Variants in TEX26 observed in about 807,000 individuals in gnomAD.
TEX26 encodes testis expressed 26, also known as testis-expressed protein 26.
A neutral mutation model predicts 35.3 loss-of-function variants in TEX26; 34 were observed. That is an observed-to-expected ratio of 0.96 (90% CI 0.73 to 1.28). TEX26 has a LOEUF of 1.28. Among genes scored for constraint, TEX26 ranks in the 50% most tolerant of loss-of-function variants. The pLI is 0.00. For synonymous variants in TEX26, 136 were observed against 111.8 expected (o/e 1.22, Z -1.36); for missense variants, 371 against 330.1 (o/e 1.12, Z -0.96).
At chr13:30,959,970 G>T (rs1954275308) in intron 4 of TEX26, among the ~76,000 whole-genome samples, 1 of 152,148 alleles carries the variant, frequency 6.6e-6, no homozygotes, top group African/African-American at 2.4e-5. Flanking sequence ...AGAAATCCTG[G>T]ATGCTAGAAG....
intron 5 of TEX26, 35 bp from the exon 6 acceptor site, chr13:30,968,850 C>G (rs763072299): frequency 2.5e-6 from 4 of 1,595,572 alleles, no homozygotes; most frequent in African/African-American, 2.7e-5. Context: ...TGGGTGCCAG[C>G]CTTCCGACCT....
At chr13:30,956,777 G>T in intron 3 of TEX26, 96 bp from the exon 4 acceptor site, 1 of 1,164,820 alleles carries the variant, frequency 8.6e-7, no homozygotes, top group Non-Finnish European at 1.2e-6. Flanking sequence ...TGGTTGTAAA[G>T]GATTCTGAAG....
chr13:30,954,858 A>G (rs1954067791), intron 3 of TEX26, among the ~76,000 whole-genome samples: 2 of 152,238 alleles, frequency 1.3e-5, no homozygotes, highest in Non-Finnish European at 2.9e-5. Context: ...ACACACGACC[A>G]TATAATTTTC....
At chr13:30,966,432 CT>C (rs10523710) in intron 5 of TEX26, 34 bp downstream of exon 5, 27,583 of 984,878 alleles carry the variant, frequency 0.028, 54 homozygotes, top group African/African-American at 0.1. Context: ...TTCTTTTTCT[CT>C]TTTTTTTTTT....
intron 3 of TEX26, 53 bp from the exon 4 acceptor site, chr13:30,956,820 C>G: frequency 6.7e-7 from 1 of 1,493,472 alleles, no homozygotes; most frequent in East Asian, 2.3e-5. Flanking sequence ...GATTATTGAT[C>G]CTATTGGGTG....
At chr13:30,954,035 G>A (rs1311156249) in intron 3 of TEX26, among the ~76,000 whole-genome samples, 2 of 152,180 alleles carry the variant, frequency 1.3e-5, no homozygotes, top group East Asian at 3.9e-4. Context: ...GGAGGACCAG[G>A]TTGGGTGGAG....
chr13:30,974,845 G>C lies in TEX26; in HGVS notation c.809-1G>C. The C allele has an allele frequency of 6.4e-7, 1 of 1,553,094 alleles. No homozygotes were observed. Among genetic ancestry groups the C allele is most frequent in the South Asian group, 1.3e-5 (1 of 79,628 alleles). Reference sequence around the variant, plus strand: ...ATCCTGTTTTTCTTCATACTTTTCAGATAGACAAATTATTGATCGCTTTAT... The same window carrying C: ...ATCCTGTTTTTCTTCATACTTTTCACATAGACAAATTATTGATCGCTTTAT... On this transcript the variant is annotated splice_acceptor_variant, in intron 6 of 6. Transcript: ENST00000380473. LOFTEE classifies it high-confidence loss of function.
chr13:30,938,268 G>T (rs1368922808), intron 1 of TEX26, among the ~76,000 whole-genome samples: 1 of 152,180 alleles, frequency 6.6e-6, no homozygotes, highest in Non-Finnish European at 1.5e-5. Context: ...ACAATGGGAA[G>T]TTGGGGCAAA....
chr13:30,972,717 G>A (rs368125281), intron 6 of TEX26, among the ~76,000 whole-genome samples: 4 of 152,192 alleles, frequency 2.6e-5, no homozygotes, highest in South Asian at 2.1e-4. Context: ...TCACTGCAAC[G>A]TCTGCCTTGA....
chr13:30,951,958 T>TC (rs1555268774), intron 2 of TEX26, among the ~76,000 whole-genome samples: 3 of 147,882 alleles, frequency 2.0e-5, no homozygotes, highest in African/African-American at 2.5e-5. Context: ...TTTTTTTTTT[T>TC]CTGACAAATT....
intron 5 of TEX26, among the ~76,000 whole-genome samples, chr13:30,967,591 C>T (rs1345167793): frequency 2.0e-5 from 3 of 152,190 alleles, no homozygotes; most frequent in Non-Finnish European, 4.4e-5. Flanking sequence ...GCCCTACAAA[C>T]ACTCTTCTCA....
intron 2 of TEX26, among the ~76,000 whole-genome samples, chr13:30,951,258 A>C (rs1953909861): frequency 6.6e-6 from 1 of 151,550 alleles, no homozygotes; most frequent in African/African-American, 2.4e-5. Context: ...TGGGAGGCTG[A>C]GGTGGGAGGA....
chr13:30,947,786 T>A (rs1566147546), intron 2 of TEX26, among the ~76,000 whole-genome samples: 2 of 152,166 alleles, frequency 1.3e-5, no homozygotes, highest in Non-Finnish European at 2.9e-5. Context: ...ATGTGCACAA[T>A]GTACAGGTTT....
At chr13:30,955,407 C>A (rs969099608) in intron 3 of TEX26, among the ~76,000 whole-genome samples, 1 of 152,188 alleles carries the variant, frequency 6.6e-6, no homozygotes, top group Admixed American at 6.5e-5. Flanking sequence ...ACTTTGGGAC[C>A]TCTGCACAGC....
chr13:30,955,872 G>A (rs1954109011), intron 3 of TEX26, among the ~76,000 whole-genome samples: 1 of 152,132 alleles, frequency 6.6e-6, no homozygotes, highest in Admixed American at 6.5e-5. Context: ...GCGGTGGCTG[G>A]GACACGGTTG....
chr13:30,935,700 G>A (rs1378905954), intron 1 of TEX26, among the ~76,000 whole-genome samples: 1 of 152,192 alleles, frequency 6.6e-6, no homozygotes, highest in Non-Finnish European at 1.5e-5. Flanking sequence ...GCTGCCTAGG[G>A]CCTCCTCTCT....
chr13:30,949,974 A>G (rs1002627229), intron 2 of TEX26, among the ~76,000 whole-genome samples: 1 of 152,230 alleles, frequency 6.6e-6, no homozygotes, highest in Admixed American at 6.5e-5. Flanking sequence ...AATTGGCTGC[A>G]TTGGAGTAAA....
intron 4 of TEX26, among the ~76,000 whole-genome samples, chr13:30,961,316 C>T (rs752432962): frequency 2.6e-4 from 40 of 152,146 alleles, no homozygotes; most frequent in Non-Finnish European, 4.4e-4. Flanking sequence ...GAAGGTGATC[C>T]GGGAAGCCAC....
chr13:30,945,140 A>T (rs1016475441), intron 2 of TEX26, among the ~76,000 whole-genome samples: 2 of 152,008 alleles, frequency 1.3e-5, no homozygotes, highest in African/African-American at 4.8e-5. Context: ...TTAGATGCAT[A>T]CAAATTTAGG....
Sources: gnomAD v4.1 joint callset for allele counts (sites outside exome capture counted in the v4.1 genomes callset) on GRCh38, gnomAD v4.1.1 for gene constraint, MANE v1.5 for transcripts, NCBI Gene and HGNC (gene_info 2026-07-23, HGNC 2026-07-21) for gene names.